SLC35D1: variants seen among roughly 807,000 people sequenced by gnomAD.
The protein encoded by SLC35D1 is nucleotide sugar transporter SLC35D1.
Under a neutral mutation model 46.7 loss-of-function variants are expected in SLC35D1, and 31 were observed. The ratio of observed to expected loss-of-function variants is 0.66; its 90% CI spans 0.50 to 0.90. The LOEUF (loss-of-function observed/expected upper bound fraction) is 0.90. Ranked by LOEUF, SLC35D1 falls within the 40% of genes least tolerant of loss-of-function variation. The pLI is 0.00. For synonymous variants in SLC35D1, 195 were observed against 164.6 expected (o/e 1.18, Z -1.41); for missense variants, 397 against 426.2 (o/e 0.93, Z 0.60).
At chr1:66,993,293 TA>T in the SLC35D1 span, among the ~76,000 whole-genome samples, 9 of 152,142 alleles carry the variant, frequency 5.9e-5, no homozygotes, top group African/African-American at 2.2e-4. Context: ...TAGTAGAAAC[TA>T]TTACCAGGGC....
intron 6 of SLC35D1, among the ~76,000 whole-genome samples, chr1:67,048,914 T>C (rs1014316302): frequency 6.6e-6 from 1 of 152,236 alleles, no homozygotes; most frequent in Non-Finnish European, 1.5e-5. Context: ...TATTGTTCAT[T>C]ATTCGAAAAG....
intron 11 of SLC35D1, among the ~76,000 whole-genome samples, chr1:67,005,113 C>T (rs1331963691): frequency 6.6e-6 from 1 of 152,140 alleles, no homozygotes; most frequent in Non-Finnish European, 1.5e-5. Context: ...ACGCAGCCTC[C>T]TACCCGATTC....
intron 1 of SLC35D1, 115 bp from the exon 2 acceptor site, chr1:67,053,104 T>C (rs951616290): frequency 5.7e-6 from 7 of 1,230,518 alleles, no homozygotes; most frequent in South Asian, 1.3e-5. Context: ...CACATCAACG[T>C]CCGCCCCTAA....
chr1:67,049,545 G>A lies in SLC35D1; in HGVS notation c.533+237C>T, dbSNP rs2815382. ...GCACATGCTATGTGCTCAGCACAAC[G>A]ACAGTAACAAATTCTAAATTACATC... On this transcript the variant is annotated intron_variant, in intron 6 of 11. Transcript: ENST00000235345. Among the ~76,000 whole-genome samples the A allele has an allele frequency of 0.53, 81,196 of 152,080 alleles. 22,816 individuals are homozygous for A. The highest frequency in any genetic ancestry group is 0.68 in the South Asian group (3,279 of 4,826).
chr1:67,046,677 A>C (rs1645255230), intron 7 of SLC35D1, among the ~76,000 whole-genome samples: 1 of 152,224 alleles, frequency 6.6e-6, no homozygotes, highest in Non-Finnish European at 1.5e-5. Context: ...CAAAAGCAAT[A>C]TGATTCAAAT....
chr1:66,980,110 C>T, the SLC35D1 span, among the ~76,000 whole-genome samples: 22 of 152,294 alleles, frequency 1.4e-4, no homozygotes, highest in East Asian at 2.3e-3. Context: ...CCCACTATAA[C>T]GTATTTATTT....
At chr1:67,041,224 C>T (rs1005069479) in intron 8 of SLC35D1, among the ~76,000 whole-genome samples, 1 of 152,004 alleles carries the variant, frequency 6.6e-6, no homozygotes, top group Non-Finnish European at 1.5e-5. Flanking sequence ...GAGAAATAGC[C>T]GTTTCCTACT....
downstream of SLC35D1, among the ~76,000 whole-genome samples, chr1:66,998,752 T>C (rs1320241083): frequency 1.3e-5 from 2 of 152,198 alleles, no homozygotes; most frequent in African/African-American, 2.4e-5. Context: ...AAGACAAATA[T>C]GGTACGATTC....
At chr1:67,021,379 A>G (rs1667794534) in intron 9 of SLC35D1, among the ~76,000 whole-genome samples, 156 bp downstream of exon 9, 1 of 152,190 alleles carries the variant, frequency 6.6e-6, no homozygotes. Flanking sequence ...CTAAGAGCAC[A>G]TTCCCAAGAG....
At chr1:67,030,744 C>T (rs1668001611) in intron 8 of SLC35D1, among the ~76,000 whole-genome samples, 1 of 152,136 alleles carries the variant, frequency 6.6e-6, no homozygotes, top group Non-Finnish European at 1.5e-5. Context: ...TATTAAGTCC[C>T]ATGTGCCAGG....
At chr1:67,038,850 C>CACACAT (rs754722926) in intron 8 of SLC35D1, among the ~76,000 whole-genome samples, 1 of 151,684 alleles carries the variant, frequency 6.6e-6, no homozygotes, top group Non-Finnish European at 1.5e-5. Flanking sequence ...CACACACACA[C>CACACAT]ACAAACACAC....
the SLC35D1 span, among the ~76,000 whole-genome samples, chr1:66,973,781 G>C: frequency 6.6e-6 from 1 of 152,014 alleles, no homozygotes; most frequent in East Asian, 1.9e-4. Context: ...TAATTCCCAG[G>C]CTTATGATTA....
At position 67,001,288 on chromosome 1, in the gene SLC35D1, A is replaced by C. The variant is rs1442402976; in HGVS notation, c.*3052T>G. 6.6e-6 allele frequency: 1 copy of C among 152,280 alleles called. No individual in the cohort carries two copies. The highest frequency in any genetic ancestry group is 1.5e-5 in the Non-Finnish European group (1 of 68,024). 9.4% of individuals were successfully genotyped at this position (152,280 alleles called of 1,614,324 possible). A position where few individuals can be genotyped will look rare whatever the true frequency, so the allele number is the denominator to read the frequency against. ...CTCCATGGATTCTTGATAAAACAGG[A>C]CTACCAAAAGCGTGTAAATGCACTT... On this transcript the variant is annotated 3_prime_UTR_variant, in exon 12 of 12. Coordinates refer to ENST00000235345, the MANE Select transcript of SLC35D1 (RefSeq NM_015139.3).
In SLC35D1 at chr1:67,015,230, A is replaced by T. The variant is rs555963586; in HGVS notation, c.876+5139T>A. Among the ~76,000 whole-genome samples the T allele has an allele frequency of 4.6e-4, 70 of 151,318 alleles. 1 individual carries two copies. Among genetic ancestry groups the T allele is most frequent in the African/African-American group, 1.6e-3 (67 of 41,470 alleles). On this transcript the variant is annotated intron_variant, in intron 10 of 11. Coordinates refer to ENST00000235345, the MANE Select transcript of SLC35D1 (RefSeq NM_015139.3). ...TAAAAAGTTTTTAATTAAAAAAACAAAAATAAAAAATTTTAAAAATGTTTA... is the reference window on the plus strand; with the variant it reads ...TAAAAAGTTTTTAATTAAAAAAACATAAATAAAAAATTTTAAAAATGTTTA...
downstream of SLC35D1, among the ~76,000 whole-genome samples, chr1:66,994,699 G>A (rs1667219953): frequency 6.6e-6 from 1 of 151,650 alleles, no homozygotes; most frequent in Admixed American, 6.6e-5. Context: ...AGTCTATTCA[G>A]CATCCTACAG....
At chr1:67,035,439 G>T (rs1057456507) in intron 8 of SLC35D1, among the ~76,000 whole-genome samples, 1 of 152,058 alleles carries the variant, frequency 6.6e-6, no homozygotes, top group African/African-American at 2.4e-5. Context: ...TATGTGTCCA[G>T]CATTTATCCA....
intron 1 of SLC35D1, 73 bp downstream of exon 1, chr1:67,053,738 G>C: frequency 7.5e-7 from 1 of 1,339,598 alleles, no homozygotes; most frequent in Non-Finnish European, 9.7e-7. Flanking sequence ...TCAAAGTCCA[G>C]GGAGCCGGCG....
chr1:66,998,022 C>G (rs1362288635), downstream of SLC35D1, among the ~76,000 whole-genome samples: 1 of 151,664 alleles, frequency 6.6e-6, no homozygotes, highest in East Asian at 1.9e-4. Context: ...ATCTGAAAAA[C>G]AGAAAATAAC....
the SLC35D1 span, among the ~76,000 whole-genome samples, chr1:66,983,254 C>G: frequency 6.6e-6 from 1 of 152,140 alleles, no homozygotes; most frequent in Non-Finnish European, 1.5e-5. Context: ...TATTTTTGAC[C>G]TAATCACAGT....
Sources: allele counts gnomAD v4.1 joint callset (sites outside exome capture counted in the v4.1 genomes callset), GRCh38; gene constraint gnomAD v4.1.1; transcripts MANE v1.5; gene names NCBI Gene and HGNC (gene_info 2026-07-23, HGNC 2026-07-21).